Variants in PMFBP1 observed in about 807,000 individuals in gnomAD.
The protein encoded by PMFBP1 is polyamine-modulated factor 1-binding protein 1.
A neutral mutation model predicts 137.8 loss-of-function variants in PMFBP1; 131 were observed. That is an observed-to-expected ratio of 0.95 (90% CI 0.82 to 1.10). The LOEUF (loss-of-function observed/expected upper bound fraction) is 1.10, where lower values mean the gene tolerates loss of function less well. PMFBP1 is among the 50% of genes least tolerant of loss of function. The pLI is 0.00. For missense variants in PMFBP1, 1,199 were observed against 1,175.4 expected, an observed-to-expected ratio of 1.02 and a Z score of -0.29; for synonymous variants, 490 against 450.4, an observed-to-expected ratio of 1.09 and a Z score of -1.11.
the PMFBP1 span, among the ~76,000 whole-genome samples, chr16:72,201,989 C>A: frequency 1.3e-5 from 2 of 152,178 alleles, no homozygotes; most frequent in African/African-American, 4.8e-5. Flanking sequence ...TCACTTGCTA[C>A]CTTGTAATAG....
At chr16:72,171,490 T>C in intron 1 of PMFBP1, 1 of 455,524 alleles carries the variant, frequency 2.2e-6, no homozygotes, top group East Asian at 3.5e-5. Flanking sequence ...AAACCACTAC[T>C]TGGTGAACCA....
At chr16:72,135,966 G>C (rs1451651819) in intron 9 of PMFBP1, among the ~76,000 whole-genome samples, 1 of 151,272 alleles carries the variant, frequency 6.6e-6, no homozygotes, top group Non-Finnish European at 1.5e-5. Flanking sequence ...TGTTACCCAG[G>C]CTGGTCTCAA....
At chr16:72,208,081 C>G in the PMFBP1 span, among the ~76,000 whole-genome samples, 1 of 152,208 alleles carries the variant, frequency 6.6e-6, no homozygotes, top group Non-Finnish European at 1.5e-5. Context: ...GAGACCCACT[C>G]ACATTAGGGA....
chr16:72,192,362 T>C, the PMFBP1 span, among the ~76,000 whole-genome samples: 1 of 152,208 alleles, frequency 6.6e-6, no homozygotes, highest in Non-Finnish European at 1.5e-5. Context: ...AAATATGTTA[T>C]TGTACTGAAA....
At chr16:72,125,914 C>G in intron 15 of PMFBP1, 54 bp downstream of exon 15, 2 of 1,587,348 alleles carry the variant, frequency 1.3e-6, no homozygotes, top group East Asian at 2.2e-5. Context: ...CTCCCGCTAC[C>G]TTGACGTTTC....
At chr16:72,145,360 T>C (rs551150016) in intron 5 of PMFBP1, among the ~76,000 whole-genome samples, 1 of 152,276 alleles carries the variant, frequency 6.6e-6, no homozygotes, top group East Asian at 1.9e-4. Context: ...CATACTGGAA[T>C]CTCTGGGACA....
At chr16:72,132,652 A>G in intron 10 of PMFBP1, 96 bp downstream of exon 10, 1 of 1,563,316 alleles carries the variant, frequency 6.4e-7, no homozygotes, top group South Asian at 1.2e-5. Context: ...GAGGAGGGCG[A>G]GGGGAAGTGG....
chr16:72,246,526 T>C, the PMFBP1 span, among the ~76,000 whole-genome samples: 2 of 151,868 alleles, frequency 1.3e-5, no homozygotes, highest in Non-Finnish European at 2.9e-5. Context: ...ACACCTGCTG[T>C]CCCTTCTGCT....
chr16:72,249,931 A>C, the PMFBP1 span, among the ~76,000 whole-genome samples: 1 of 150,786 alleles, frequency 6.6e-6, no homozygotes, highest in Admixed American at 6.6e-5. Context: ...AAAAAAAAAA[A>C]AAAAAAAAAA....
the PMFBP1 span, among the ~76,000 whole-genome samples, chr16:72,213,205 G>C: frequency 4.5e-4 from 67 of 150,262 alleles, no homozygotes; most frequent in African/African-American, 1.5e-3. Context: ...CCCGGGGGGG[G>C]GTGGGGAAAG....
At chr16:72,162,746 T>G (rs997981732) in intron 3 of PMFBP1, among the ~76,000 whole-genome samples, 1 of 152,232 alleles carries the variant, frequency 6.6e-6, no homozygotes, top group African/African-American at 2.4e-5. Context: ...TAAAATGCAA[T>G]TTAATACCTT....
chr16:72,248,413 A>C, the PMFBP1 span, among the ~76,000 whole-genome samples: 3 of 152,228 alleles, frequency 2.0e-5, no homozygotes, highest in Admixed American at 2.0e-4. Context: ...CAAAGCAATG[A>C]TATGGACCTG....
At chr16:72,166,317 C>G (rs1320072960) in intron 2 of PMFBP1, among the ~76,000 whole-genome samples, 1 of 152,090 alleles carries the variant, frequency 6.6e-6, no homozygotes, top group East Asian at 1.9e-4. Flanking sequence ...CTTCCCCTCA[C>G]TCTCTCTCTC....
intron 3 of PMFBP1, among the ~76,000 whole-genome samples, chr16:72,157,443 G>A (rs541142876): frequency 1.3e-5 from 2 of 152,192 alleles, no homozygotes; most frequent in Admixed American, 1.3e-4. Context: ...GCAAAAGAAG[G>A]TATCTGGAAT....
the PMFBP1 span, among the ~76,000 whole-genome samples, chr16:72,235,932 T>C: frequency 3.3e-5 from 5 of 152,154 alleles, no homozygotes; most frequent in Admixed American, 6.6e-5. Flanking sequence ...TCATGCCATC[T>C]AAAAACAAAG....
chr16:72,248,023 C>T, the PMFBP1 span, among the ~76,000 whole-genome samples: 1 of 152,082 alleles, frequency 6.6e-6, no homozygotes, highest in Non-Finnish European at 1.5e-5. Flanking sequence ...TGCCAAGTAT[C>T]GAACAGAAAG....
At chr16:72,201,113 C>A in the PMFBP1 span, among the ~76,000 whole-genome samples, 7 of 152,226 alleles carry the variant, frequency 4.6e-5, no homozygotes, top group African/African-American at 1.4e-4. Flanking sequence ...GGTGCAGATG[C>A]ATAATGTGTG....
chr16:72,222,599 T>C, the PMFBP1 span, among the ~76,000 whole-genome samples: 12 of 152,130 alleles, frequency 7.9e-5, no homozygotes, highest in African/African-American at 2.9e-4. Flanking sequence ...AGGTCATTTG[T>C]TGAATACCTG....
At chr16:72,222,150 T>G in the PMFBP1 span, among the ~76,000 whole-genome samples, 1 of 152,116 alleles carries the variant, frequency 6.6e-6, no homozygotes, top group South Asian at 2.1e-4. Flanking sequence ...GTTGGTTGGG[T>G]TTTTTTGAGT....
Sources: allele counts gnomAD v4.1 joint callset (sites outside exome capture counted in the v4.1 genomes callset), GRCh38; gene constraint gnomAD v4.1.1; transcripts MANE v1.5; gene names NCBI Gene and HGNC (gene_info 2026-07-23, HGNC 2026-07-21).